CREB3L2: variants seen among roughly 807,000 people sequenced by gnomAD.
CREB3L2 encodes cyclic AMP-responsive element-binding protein 3-like protein 2.
Under a neutral mutation model 57.2 loss-of-function variants are expected in CREB3L2, and 23 were observed. The observed-to-expected ratio is 0.40, with a 90% CI of 0.29 to 0.57. The LOEUF (loss-of-function observed/expected upper bound fraction) is 0.57, where lower values mean the gene tolerates loss of function less well. Among genes scored for constraint, CREB3L2 ranks in the 20% least tolerant of loss-of-function variants. The pLI is 0.42. For missense variants in CREB3L2, 628 were observed against 634.7 expected, an observed-to-expected ratio of 0.99 and a Z score of 0.11; for synonymous variants, 268 against 265.1, an observed-to-expected ratio of 1.01 and a Z score of -0.11.
chr7:137,943,027 T>C (rs916806262), intron 1 of CREB3L2, among the ~76,000 whole-genome samples: 1 of 152,230 alleles, frequency 6.6e-6, no homozygotes, highest in African/African-American at 2.4e-5. Context: ...GTTGCTGGCA[T>C]AGCAGAAAGA....
intron 1 of CREB3L2, among the ~76,000 whole-genome samples, chr7:137,952,031 G>A (rs2117272303): frequency 6.6e-6 from 1 of 152,144 alleles, no homozygotes; most frequent in Non-Finnish European, 1.5e-5. Flanking sequence ...GTAGGATAGT[G>A]GGAACATAAG....
chr7:137,955,396 C>T (rs945157556), intron 1 of CREB3L2: 21 of 938,930 alleles, frequency 2.2e-5, no homozygotes, highest in African/African-American at 1.0e-4. Flanking sequence ...TTCTTCAGCA[C>T]GGCCACCTCA....
At position 137,876,376 on chromosome 7, in the gene CREB3L2, GAGA is replaced by G. The variant is rs1799155566; in HGVS notation, c.*4097_*4099del. ...TGTGTGTGTGTGTGTGTGTCAGAGAGAGAAGAAGGGAGAGAGAAGTATAAGCAT... is the reference window on the plus strand; with the variant it reads ...TGTGTGTGTGTGTGTGTGTCAGAGAGAGAAGGGAGAGAGAAGTATAAGCAT... On this transcript the variant is annotated 3_prime_UTR_variant, in exon 12 of 12. Transcript: ENST00000330387. 1 of 232,584 alleles carries G rather than the reference GAGA, an allele frequency of 4.3e-6. No homozygotes were observed. The highest frequency in any genetic ancestry group is 8.5e-6 in the Non-Finnish European group (1 of 118,094). 14.4% of individuals were successfully genotyped at this position (232,584 alleles called of 1,614,324 possible).
At chr7:137,960,731 C>A (rs147306444) in intron 1 of CREB3L2, among the ~76,000 whole-genome samples, 6 of 150,442 alleles carry the variant, frequency 4.0e-5, no homozygotes, top group Admixed American at 3.3e-4. Context: ...TACAGAAGCA[C>A]GTGTTTTATT....
At chr7:137,881,961 G>A (rs1164342021) in intron 11 of CREB3L2, among the ~76,000 whole-genome samples, 1 of 152,104 alleles carries the variant, frequency 6.6e-6, no homozygotes, top group Non-Finnish European at 1.5e-5. Context: ...ATTAACACAT[G>A]TGTATTTACA....
chr7:137,957,683 C>T (rs1801243223), intron 1 of CREB3L2: 1 of 867,710 alleles, frequency 1.2e-6, no homozygotes, highest in Non-Finnish European at 1.6e-6. Context: ...TATTAATAAC[C>T]CAAATAATTC....
At position 138,001,736 on chromosome 7, in the gene CREB3L2, C is replaced by T. The variant is rs763725920; in HGVS notation, c.-31G>A. 4 of 1,551,288 alleles carry T rather than the reference C, an allele frequency of 2.6e-6. No individual in the cohort carries two copies. The East Asian group carries it at 6.9e-5, about 27-fold the overall frequency. On this transcript the variant is annotated 5_prime_UTR_variant, in exon 1 of 12. Transcript: ENST00000330387. The surrounding 1 kb of genome is among the most constrained non-coding windows in gnomAD (Gnocchi z 4.2). ...TGCGGGCCGCGCTGGGCCGAGGATG[C>T]TAAGCGCAGGAGGGGACGCGCAGAG... is the stretch of plus-strand genomic sequence containing the variant.
chr7:137,954,782 A>C (rs1801175485), intron 1 of CREB3L2, among the ~76,000 whole-genome samples: 1 of 152,180 alleles, frequency 6.6e-6, no homozygotes, highest in African/African-American at 2.4e-5. Flanking sequence ...CAGCTGCCCC[A>C]GTTGCCTCAG....
intron 1 of CREB3L2, among the ~76,000 whole-genome samples, chr7:137,998,289 T>C (rs13362852): frequency 0.01 from 1,594 of 152,336 alleles, 32 homozygotes; most frequent in African/African-American, 0.037. Flanking sequence ...ATTGTTTAAA[T>C]CAAGTATGTG....
intron 1 of CREB3L2, among the ~76,000 whole-genome samples, chr7:137,960,250 T>G (rs1801295680): frequency 1.3e-5 from 2 of 152,216 alleles, no homozygotes; most frequent in African/African-American, 4.8e-5. Context: ...ACCATCTGTC[T>G]GGTTACATAG....
intron 8 of CREB3L2, among the ~76,000 whole-genome samples, chr7:137,893,788 G>T (rs913535549): frequency 5.9e-5 from 9 of 152,216 alleles, no homozygotes; most frequent in Admixed American, 5.9e-4. Flanking sequence ...TAACAATAGA[G>T]ATAAATGTCA....
chr7:137,877,460 C>G lies in CREB3L2; in HGVS notation c.*3016G>C, dbSNP rs1799182679. 1 of 225,894 alleles carries G rather than the reference C, an allele frequency of 4.4e-6. No individual in the cohort carries two copies. Among genetic ancestry groups the G allele is most frequent in the Non-Finnish European group, 8.8e-6 (1 of 113,588 alleles). 14.0% of individuals were successfully genotyped at this position (225,894 alleles called of 1,614,324 possible). On this transcript the variant is annotated 3_prime_UTR_variant, in exon 12 of 12. Coordinates refer to ENST00000330387, the MANE Select transcript of CREB3L2 (RefSeq NM_194071.4). ...TTCTTTCTTAAAACTGGCACTGCAG[C>G]CTTTCATTTACAATATCCCTTTTTA...
At chr7:137,988,741 C>G (rs1801831990) in intron 1 of CREB3L2, among the ~76,000 whole-genome samples, 2 of 152,160 alleles carry the variant, frequency 1.3e-5, no homozygotes, top group African/African-American at 4.8e-5. Context: ...AAACTCCATC[C>G]AGCCGATGGG....
intron 1 of CREB3L2, among the ~76,000 whole-genome samples, chr7:137,969,297 T>C (rs544796735): frequency 4.0e-5 from 6 of 151,466 alleles, no homozygotes; most frequent in Non-Finnish European, 4.4e-5. Context: ...CCTTAGATAA[T>C]AGCAGTGTAT....
chr7:137,917,750 C>T (rs558532061), intron 2 of CREB3L2, among the ~76,000 whole-genome samples: 4 of 152,108 alleles, frequency 2.6e-5, no homozygotes, highest in Non-Finnish European at 5.9e-5. Context: ...CCCCTTAAAT[C>T]CAGTTTATAA....
At chr7:137,998,410 C>T (rs1320627170) in intron 1 of CREB3L2, among the ~76,000 whole-genome samples, 1 of 152,230 alleles carries the variant, frequency 6.6e-6, no homozygotes, top group Non-Finnish European at 1.5e-5. Flanking sequence ...CACTGTCAGC[C>T]TCATTTAAAC....
chr7:137,908,554 C>A, intron 4 of CREB3L2, 118 bp from the exon 5 acceptor site: 1 of 637,030 alleles, frequency 1.6e-6, no homozygotes, highest in Non-Finnish European at 2.3e-6. Flanking sequence ...GACAGATCTC[C>A]AAGGTGCAGA....
chr7:137,912,962 C>T, intron 4 of CREB3L2, 29 bp downstream of exon 4: 1 of 1,612,494 alleles, frequency 6.2e-7, no homozygotes, highest in Non-Finnish European at 8.5e-7. Flanking sequence ...TATCCATAAC[C>T]CAAAGGGACA....
chr7:137,960,863 GAGTGCAATGGCACGATCTC>G, intron 1 of CREB3L2, among the ~76,000 whole-genome samples: 1 of 129,652 alleles, frequency 7.7e-6, no homozygotes. Flanking sequence ...GCCCAGGCTG[GAGTGCAATGGCACGATCTC>G]AGCTCACTGC....
Sources: gnomAD v4.1 joint callset for allele counts (sites outside exome capture counted in the v4.1 genomes callset) on GRCh38, gnomAD v4.1.1 for gene constraint, Gnocchi (gnomAD v3.1) non-coding constraint, MANE v1.5 for transcripts, NCBI Gene and HGNC (gene_info 2026-07-23, HGNC 2026-07-21) for gene names.